The following LINGO2 variants were observed in gnomAD, a reference collection of about 807,000 sequenced individuals.
LINGO2 encodes leucine rich repeat and Ig domain containing 2, also known as leucine-rich repeat and immunoglobulin-like domain-containing nogo receptor-interacting protein 2.
LINGO2 carries 14 observed loss-of-function variants against 30.6 expected under a neutral mutation model. The ratio of observed to expected loss-of-function variants is 0.46; its 90% confidence interval spans 0.30 to 0.72. The LOEUF (loss-of-function observed/expected upper bound fraction) is 0.72, where lower values mean the gene tolerates loss of function less well. Ranked by LOEUF, LINGO2 falls within the 30% of genes least tolerant of loss-of-function variation. The probability of loss-of-function intolerance (pLI) is 0.07; values close to 1 mark genes in which losing one functional copy is unlikely to be tolerated. For synonymous variants in LINGO2, 317 were observed against 288.5 expected (o/e 1.10, Z -1.00); for missense variants, 729 against 751.7 (o/e 0.97, Z 0.35).
At chr9:28,575,732 T>C (rs1823942009) in intron 1 of LINGO2, among the ~76,000 whole-genome samples, 1 of 152,088 alleles carries the variant, frequency 6.6e-6, no homozygotes, top group African/African-American at 2.4e-5. Flanking sequence ...ATCTTAAGAA[T>C]ACAAATACGT....
the LINGO2 span, among the ~76,000 whole-genome samples, chr9:28,786,047 T>C: frequency 2.0e-5 from 3 of 152,214 alleles, no homozygotes; most frequent in African/African-American, 4.8e-5. Context: ...TGGTCACTCA[T>C]AGGTCATTGT....
At chr9:28,422,878 G>A (rs1244638952) in intron 2 of LINGO2, among the ~76,000 whole-genome samples, 12 of 152,000 alleles carry the variant, frequency 7.9e-5, no homozygotes, top group Non-Finnish European at 4.4e-5. Context: ...GTGCTATAAC[G>A]TGGATAAACT....
At chr9:29,077,521 AT>A in the LINGO2 span, among the ~76,000 whole-genome samples, 7 of 152,174 alleles carry the variant, frequency 4.6e-5, no homozygotes, top group East Asian at 9.6e-4. Context: ...CATTCAACGA[AT>A]ATTTACTGCT....
the LINGO2 span, among the ~76,000 whole-genome samples, chr9:29,059,423 AT>A: frequency 1.3e-5 from 2 of 150,724 alleles, no homozygotes; most frequent in Non-Finnish European, 3.0e-5. Flanking sequence ...TAAAAAATAA[AT>A]AAATAAATAA....
At chr9:28,586,186 A>T (rs1286039178) in intron 1 of LINGO2, among the ~76,000 whole-genome samples, 10 of 151,372 alleles carry the variant, frequency 6.6e-5, no homozygotes, top group Non-Finnish European at 1.0e-4. Context: ...TTGTAATTTA[A>T]TTTTTTTTTA....
At chr9:28,252,442 G>T (rs1457924279) in intron 4 of LINGO2, among the ~76,000 whole-genome samples, 1 of 152,036 alleles carries the variant, frequency 6.6e-6, no homozygotes, top group Non-Finnish European at 1.5e-5. Context: ...GGCCAGGATG[G>T]TCTCAATCTC....
chr9:28,417,663 C>T (rs1823019614), intron 2 of LINGO2, among the ~76,000 whole-genome samples: 1 of 152,164 alleles, frequency 6.6e-6, no homozygotes, highest in Non-Finnish European at 1.5e-5. Flanking sequence ...TTCAAGAAGA[C>T]ATCCCTAACA....
intron 4 of LINGO2, among the ~76,000 whole-genome samples, chr9:28,188,586 ACAAT>A (rs1239748988): frequency 6.6e-6 from 1 of 152,152 alleles, no homozygotes; most frequent in Non-Finnish European, 1.5e-5. Context: ...AAAAATTGGG[ACAAT>A]CAAATTTTTT....
At chr9:28,405,101 C>A (rs77042857) in intron 2 of LINGO2, among the ~76,000 whole-genome samples, 5,335 of 152,052 alleles carry the variant, frequency 0.035, 299 homozygotes, top group African/African-American at 0.12. Flanking sequence ...CACTGAAAAC[C>A]AAATCCCTGC....
At chr9:28,664,974 G>A (rs1430823955) in intron 1 of LINGO2, among the ~76,000 whole-genome samples, 2 of 121,702 alleles carry the variant, frequency 1.6e-5, no homozygotes, top group Admixed American at 1.8e-4. Flanking sequence ...GACTTCATCT[G>A]TATTATTTAT....
At chr9:28,661,353 C>A (rs1479381683) in intron 1 of LINGO2, among the ~76,000 whole-genome samples, 2 of 152,116 alleles carry the variant, frequency 1.3e-5, no homozygotes, top group African/African-American at 4.8e-5. Context: ...AGTAGCCAGC[C>A]TTGGCCTGCC....
At chr9:29,171,802 A>G in the LINGO2 span, among the ~76,000 whole-genome samples, 1 of 151,944 alleles carries the variant, frequency 6.6e-6, no homozygotes, top group Non-Finnish European at 1.5e-5. Flanking sequence ...TAATTGATAG[A>G]AAAGTACTAC....
chr9:28,608,769 C>T lies in LINGO2; in HGVS notation c.-365+61431G>A, dbSNP rs113293762. Among the ~76,000 whole-genome samples, 9 of 151,958 alleles carry T rather than the reference C, an allele frequency of 5.9e-5. 1 individual carries two copies. Among genetic ancestry groups the T allele is most frequent in the African/African-American group, 1.9e-4 (8 of 41,478 alleles). The stretch of plus-strand genomic sequence containing the variant: ...CTTCACAGGTAACTTTTCCTTCGAA[C>T]CATGGATGTAGTTCAGATTTCGTTT... On this transcript the variant is annotated intron_variant, in intron 1 of 5. Transcript: ENST00000379992.
the LINGO2 span, among the ~76,000 whole-genome samples, chr9:28,970,058 A>T: frequency 4.6e-5 from 7 of 152,128 alleles, no homozygotes; most frequent in African/African-American, 1.7e-4. Flanking sequence ...AAGACAGTGT[A>T]CGTGGGAAAA....
At chr9:29,073,012 C>A in the LINGO2 span, among the ~76,000 whole-genome samples, 31 of 151,148 alleles carry the variant, frequency 2.1e-4, no homozygotes, top group African/African-American at 6.3e-4. Context: ...CACACACACA[C>A]CCCACATGTC....
Position 28,642,063 on chromosome 9 carries a change from A to ATGTGTG in LINGO2, c.-365+28131_-365+28136dup, listed in dbSNP as rs35732736. ...ATTTCCTTACATTTAAATGTTATATATGTGTGTGTGTGTGTGTATGTGTGT... is the reference window on the plus strand; with the variant it reads ...ATTTCCTTACATTTAAATGTTATATATGTGTGTGTGTGTGTGTGTGTGTATGTGTGT... On this transcript the variant is annotated intron_variant, in intron 1 of 5. Transcript: ENST00000379992. Among the ~76,000 whole-genome samples, 100 of 149,360 alleles carry ATGTGTG rather than the reference A, an allele frequency of 6.7e-4. 1 individual carries two copies. Among genetic ancestry groups the ATGTGTG allele is most frequent in the African/African-American group, 1.9e-3 (76 of 40,614 alleles).
At chr9:28,514,725 A>G (rs1186192853) in intron 1 of LINGO2, among the ~76,000 whole-genome samples, 3 of 152,194 alleles carry the variant, frequency 2.0e-5, no homozygotes, top group African/African-American at 7.2e-5. Context: ...ACTGATAAAG[A>G]AGCTGCAGCA....
chr9:28,559,886 A>C (rs1317994866), intron 1 of LINGO2, among the ~76,000 whole-genome samples: 1 of 152,008 alleles, frequency 6.6e-6, no homozygotes, highest in Non-Finnish European at 1.5e-5. Flanking sequence ...AACAGAGAAT[A>C]ATCCAGGGAC....
At chr9:28,038,683 A>G (rs1201131509) in intron 4 of LINGO2, among the ~76,000 whole-genome samples, 1 of 120,092 alleles carries the variant, frequency 8.3e-6, no homozygotes, top group Non-Finnish European at 1.7e-5. Flanking sequence ...ACAGAGCGAG[A>G]CTCCGTCTCA....
Sources: gnomAD v4.1 joint callset for allele counts (sites outside exome capture counted in the v4.1 genomes callset) on GRCh38, gnomAD v4.1.1 for gene constraint, MANE v1.5 for transcripts, NCBI Gene and HGNC (gene_info 2026-07-23, HGNC 2026-07-21) for gene names.